The following MYT1L variants were observed in gnomAD, a reference collection of about 807,000 sequenced individuals.
MYT1L encodes myelin transcription factor 1-like protein.
In MYT1L, 12 loss-of-function variants were observed where a neutral mutation model predicts 126.7. That is an observed-to-expected ratio of 0.09 (90% CI 0.06 to 0.15). The LOEUF (loss-of-function observed/expected upper bound fraction) is 0.15, where lower values mean the gene tolerates loss of function less well. Ranked by LOEUF, MYT1L falls within the 10% of genes least tolerant of loss-of-function variation. The probability of loss-of-function intolerance (pLI) is 1.00; values close to 1 mark genes in which losing one functional copy is unlikely to be tolerated. For synonymous variants in MYT1L, 541 were observed against 604.2 expected (o/e 0.90, Z 1.53); for missense variants, 979 against 1,585.2 (o/e 0.62, Z 6.49).
intron 8 of MYT1L, among the ~76,000 whole-genome samples, chr2:1,957,677 C>T (rs2058613886): frequency 6.6e-6 from 1 of 152,150 alleles, no homozygotes. Context: ...ATCTATCTGT[C>T]ATCTATGAAT....
intron 8 of MYT1L, among the ~76,000 whole-genome samples, chr2:1,973,119 G>A (rs1167236145): frequency 2.0e-5 from 3 of 152,124 alleles, no homozygotes; most frequent in African/African-American, 7.2e-5. Context: ...TGAGGAATGA[G>A]GCCTTACTAG....
intron 2 of MYT1L, among the ~76,000 whole-genome samples, chr2:2,191,355 T>A (rs1360460547): frequency 1.3e-5 from 2 of 151,900 alleles, no homozygotes; most frequent in African/African-American, 2.4e-5. Flanking sequence ...CATCTGCTTT[T>A]CATCAGGATT....
chr2:2,161,680 C>T (rs541168061), intron 3 of MYT1L, among the ~76,000 whole-genome samples: 8 of 152,268 alleles, frequency 5.3e-5, no homozygotes, highest in South Asian at 2.1e-4. Flanking sequence ...CCTGGGTATG[C>T]GGCAATAGAG....
intron 5 of MYT1L, among the ~76,000 whole-genome samples, chr2:1,984,569 G>C (rs936111539): frequency 1.4e-5 from 2 of 145,608 alleles, no homozygotes; most frequent in Non-Finnish European, 3.0e-5. Flanking sequence ...GAGTGCAGTG[G>C]CGCTATCTGG....
chr2:1,867,199 G>A (rs545146216), intron 18 of MYT1L, among the ~76,000 whole-genome samples: 2 of 152,220 alleles, frequency 1.3e-5, no homozygotes, highest in East Asian at 3.9e-4. Context: ...GTGGAGAAAA[G>A]GGTGTGGGGT....
At chr2:2,247,408 C>T (rs2094554902) in intron 2 of MYT1L, among the ~76,000 whole-genome samples, 1 of 152,158 alleles carries the variant, frequency 6.6e-6, no homozygotes, top group Admixed American at 6.5e-5. Context: ...GCGAAAGAGA[C>T]AGATAGACCT....
chr2:2,299,938 A>AG (rs1466757986), intron 1 of MYT1L, among the ~76,000 whole-genome samples: 2 of 152,182 alleles, frequency 1.3e-5, no homozygotes, highest in Non-Finnish European at 2.9e-5. Flanking sequence ...TTTAAAGCAA[A>AG]GGGAAAAAAA....
chr2:1,908,699 T>G (rs1472194366), intron 13 of MYT1L, among the ~76,000 whole-genome samples: 1 of 152,166 alleles, frequency 6.6e-6, no homozygotes, highest in African/African-American at 2.4e-5. Flanking sequence ...ATGTTGCCAA[T>G]AATTAGCTGT....
intron 3 of MYT1L, among the ~76,000 whole-genome samples, chr2:2,071,791 G>A (rs562793827): frequency 1.1e-3 from 163 of 152,276 alleles, no homozygotes; most frequent in Non-Finnish European, 2.2e-3. Context: ...ACGTCTAGAA[G>A]AAGGCAAACT....
rs1453472991 is a variant in MYT1L, at chr2:1,910,187, G to T, written c.1817+53C>A. 6.6e-7 allele frequency: 1 copy of T among 1,518,314 alleles called. No individual in the cohort carries two copies. Among genetic ancestry groups the T allele is most frequent in the Non-Finnish European group, 9.1e-7 (1 of 1,099,728 alleles). 94.1% of individuals were successfully genotyped at this position (1,518,314 alleles called of 1,614,324 possible). ...GAGCGGGTGTCCCCAGCGCTCCGAG[G>T]TGTGGGGCAGACTATGGATAGAGCT... On this transcript the variant is annotated intron_variant, in intron 13 of 24. Coordinates refer to ENST00000647738, the MANE Select transcript of MYT1L (RefSeq NM_001303052.2). The surrounding 1 kb of genome is among the most constrained non-coding windows in gnomAD (Gnocchi z 4.8).
intron 2 of MYT1L, among the ~76,000 whole-genome samples, chr2:2,211,359 A>G (rs1299343680): frequency 6.6e-6 from 1 of 152,312 alleles, no homozygotes; most frequent in East Asian, 1.9e-4. Context: ...CTTTCTTACT[A>G]ATTGTTTTAA....
At chr2:2,278,999 C>G (rs2095408343) in intron 2 of MYT1L, among the ~76,000 whole-genome samples, 1 of 152,144 alleles carries the variant, frequency 6.6e-6, no homozygotes, top group Admixed American at 6.5e-5. Context: ...TCTGCACTCC[C>G]CTCCCCACGA....
intron 3 of MYT1L, among the ~76,000 whole-genome samples, chr2:2,108,259 G>A (rs1191714730): frequency 3.9e-5 from 6 of 152,156 alleles, no homozygotes; most frequent in East Asian, 1.9e-4. Context: ...AGGAACAGAC[G>A]GAGCTGTGGC....
At chr2:2,098,612 AACGCCCTGCAG>A (rs1331079238) in intron 3 of MYT1L, among the ~76,000 whole-genome samples, 1 of 152,182 alleles carries the variant, frequency 6.6e-6, no homozygotes, top group Non-Finnish European at 1.5e-5. Flanking sequence ...GGTCCTGCTA[AACGCCCTGCAG>A]ACACAGGGCA....
At chr2:2,179,984 C>T (rs1271352938) in intron 2 of MYT1L, among the ~76,000 whole-genome samples, 10 of 152,164 alleles carry the variant, frequency 6.6e-5, no homozygotes, top group Non-Finnish European at 1.5e-4. Context: ...TCAATGAGGT[C>T]ATCCTCTCGC....
chr2:2,260,550 C>T (rs1258729101), intron 2 of MYT1L, among the ~76,000 whole-genome samples: 1 of 152,190 alleles, frequency 6.6e-6, no homozygotes, highest in Admixed American at 6.5e-5. Flanking sequence ...CTACTTCAGC[C>T]TAAGTCATCT....
At chr2:2,066,674 G>T (rs1020961558) in intron 3 of MYT1L, among the ~76,000 whole-genome samples, 3 of 152,180 alleles carry the variant, frequency 2.0e-5, no homozygotes, top group Non-Finnish European at 4.4e-5. Flanking sequence ...GGGGCAGGTA[G>T]CTGCCCCTTG....
At chr2:1,891,871 C>T (rs2048924214) in intron 15 of MYT1L, among the ~76,000 whole-genome samples, 166 bp downstream of exon 15, 2 of 152,128 alleles carry the variant, frequency 1.3e-5, no homozygotes, top group South Asian at 4.1e-4. Flanking sequence ...GTTCAGGCTG[C>T]GTTAAGGGAA....
At chr2:1,998,391 A>G (rs2062053007) in intron 4 of MYT1L, among the ~76,000 whole-genome samples, 1 of 152,230 alleles carries the variant, frequency 6.6e-6, no homozygotes, top group African/African-American at 2.4e-5. Flanking sequence ...GTAGAGTTAA[A>G]TAAGAAATAC....
Sources: allele counts gnomAD v4.1 joint callset (sites outside exome capture counted in the v4.1 genomes callset), GRCh38; gene constraint gnomAD v4.1.1; non-coding constraint Gnocchi (gnomAD v3.1); transcripts MANE v1.5; gene names NCBI Gene and HGNC (gene_info 2026-07-23, HGNC 2026-07-21).